The following CADM2 variants were observed in gnomAD, a reference collection of about 807,000 sequenced individuals.
CADM2 encodes cell adhesion molecule 2, also known as immunoglobulin superfamily member 4D.
In CADM2, 12 loss-of-function variants were observed where a neutral mutation model predicts 49.8. The ratio of observed to expected loss-of-function variants is 0.24; its 90% CI spans 0.15 to 0.39. The LOEUF is 0.39. Among genes scored for constraint, CADM2 ranks in the 10% least tolerant of loss-of-function variants. CADM2 has a pLI of 1.00. For synonymous variants in CADM2, 214 were observed against 175.4 expected, an observed-to-expected ratio of 1.22 and a Z score of -1.74; for missense variants, 378 against 492.3, an observed-to-expected ratio of 0.77 and a Z score of 2.20.
intron 3 of CADM2, among the ~76,000 whole-genome samples, chr3:85,875,487 T>C (rs1303271100): frequency 1.3e-5 from 2 of 152,146 alleles, no homozygotes; most frequent in Admixed American, 1.3e-4. Context: ...TTTCTTATAG[T>C]TTATTTGACT....
chr3:85,813,047 T>A (rs1234095031), intron 3 of CADM2, among the ~76,000 whole-genome samples: 3 of 152,196 alleles, frequency 2.0e-5, no homozygotes, highest in African/African-American at 7.2e-5. Context: ...TAATTTATAA[T>A]CCTTTGGGTA....
chr3:86,051,976 ACTTTGTT>A (rs1559826514), intron 8 of CADM2, among the ~76,000 whole-genome samples: 23 of 151,950 alleles, frequency 1.5e-4, no homozygotes, highest in Admixed American at 1.1e-3. Context: ...TCAAAAAAAA[ACTTTGTT>A]ATTTGTTATT....
intron 1 of CADM2, among the ~76,000 whole-genome samples, chr3:85,569,253 G>A (rs148964039): frequency 1.2e-4 from 19 of 152,018 alleles, no homozygotes; most frequent in East Asian, 5.8e-4. Context: ...CCCATGAGAC[G>A]CATGTAAATT....
intron 1 of CADM2, among the ~76,000 whole-genome samples, chr3:85,043,219 G>A (rs2035510679): frequency 6.6e-6 from 1 of 151,998 alleles, no homozygotes; most frequent in East Asian, 1.9e-4. Flanking sequence ...GCACTTAAAA[G>A]CAATTTTATG....
At chr3:85,178,194 G>A (rs2040835620) in intron 1 of CADM2, among the ~76,000 whole-genome samples, 1 of 151,776 alleles carries the variant, frequency 6.6e-6, no homozygotes, top group Non-Finnish European at 1.5e-5. Context: ...ATTAAATATA[G>A]CAATTTGGCT....
chr3:85,471,335 T>A (rs1329291034), intron 1 of CADM2, among the ~76,000 whole-genome samples: 1 of 152,140 alleles, frequency 6.6e-6, no homozygotes. Context: ...AAGTGTTAAG[T>A]CTCACTCAGA....
chr3:85,354,618 C>CAGAGAGAGAGAG (rs139421347), intron 1 of CADM2, among the ~76,000 whole-genome samples: 3,230 of 130,210 alleles, frequency 0.025, 102 homozygotes, highest in Middle Eastern at 0.06. Flanking sequence ...GAATACCTAA[C>CAGAGAGAGAGAG]AGAGAGAGAG....
chr3:85,429,442 T>G (rs2036567475), intron 1 of CADM2, among the ~76,000 whole-genome samples: 1 of 152,162 alleles, frequency 6.6e-6, no homozygotes, highest in South Asian at 2.1e-4. Context: ...TGGTATAGGG[T>G]TTTAATTATA....
intron 1 of CADM2, among the ~76,000 whole-genome samples, chr3:84,978,302 G>A (rs2031957781): frequency 6.6e-6 from 1 of 151,958 alleles, no homozygotes. Flanking sequence ...ATATTTTCTG[G>A]CACACAGTTG....
chr3:85,398,517 A>G (rs1196000439), intron 1 of CADM2, among the ~76,000 whole-genome samples: 1 of 152,164 alleles, frequency 6.6e-6, no homozygotes, highest in Non-Finnish European at 1.5e-5. Context: ...TTGGGTATAT[A>G]CCCAGTAATG....
chr3:85,013,443 CA>C (rs2034093093), intron 1 of CADM2, among the ~76,000 whole-genome samples: 1 of 151,546 alleles, frequency 6.6e-6, no homozygotes, highest in Non-Finnish European at 1.5e-5. Flanking sequence ...AAAAATATCC[CA>C]AAGATGTTAT....
chr3:85,436,545 G>A (rs1176084886), intron 1 of CADM2, among the ~76,000 whole-genome samples: 1 of 151,820 alleles, frequency 6.6e-6, no homozygotes, highest in Non-Finnish European at 1.5e-5. Flanking sequence ...ATTGACTGTG[G>A]GTTTGTTATA....
chr3:85,456,280 C>T (rs539556017), intron 1 of CADM2, among the ~76,000 whole-genome samples: 9 of 152,274 alleles, frequency 5.9e-5, no homozygotes, highest in Admixed American at 5.9e-4. Context: ...GTCTATCTGG[C>T]AGCCATTCCT....
In CADM2 at chr3:85,821,576, A is replaced by G. The variant is rs140134809; in HGVS notation, c.238+19380A>G. ...GCTGTTTGTTTTTGTTGCATACACA[A>G]GAAGTTAGGGTATACACTCTGTATA... On this transcript the variant is annotated intron_variant, in intron 3 of 9. Transcript: ENST00000383699. Among the ~76,000 whole-genome samples the G allele has an allele frequency of 3.9e-3, 593 of 152,250 alleles. 4 individuals are homozygous for G. Among genetic ancestry groups the G allele is most frequent in the African/African-American group, 0.014 (566 of 41,556 alleles).
At chr3:85,100,499 T>C (rs2037971750) in intron 1 of CADM2, among the ~76,000 whole-genome samples, 1 of 152,174 alleles carries the variant, frequency 6.6e-6, no homozygotes, top group Non-Finnish European at 1.5e-5. Context: ...TTTTTATGAG[T>C]GTGGTAGATT....
intron 1 of CADM2, among the ~76,000 whole-genome samples, chr3:85,238,868 T>G (rs1371079343): frequency 1.3e-5 from 2 of 151,838 alleles, no homozygotes; most frequent in Non-Finnish European, 2.9e-5. Context: ...AAGATGCTCC[T>G]GTGTATAAAA....
At chr3:85,676,509 G>A (rs965617317) in intron 1 of CADM2, among the ~76,000 whole-genome samples, 1 of 151,814 alleles carries the variant, frequency 6.6e-6, no homozygotes, top group Admixed American at 6.6e-5. Context: ...GCATAGTTTT[G>A]ATTGTTGTAA....
intron 7 of CADM2, among the ~76,000 whole-genome samples, chr3:85,940,216 G>A (rs1345997552): frequency 6.7e-6 from 1 of 148,718 alleles, no homozygotes; most frequent in Non-Finnish European, 1.5e-5. Flanking sequence ...GTGGGCGCCT[G>A]TAATCCCAGC....
At chr3:85,183,848 G>T (rs533112999) in intron 1 of CADM2, among the ~76,000 whole-genome samples, 1 of 152,226 alleles carries the variant, frequency 6.6e-6, no homozygotes, top group South Asian at 2.1e-4. Context: ...TAATGTAAGA[G>T]AATGATGCAA....
Sources: gnomAD v4.1 joint callset for allele counts (sites outside exome capture counted in the v4.1 genomes callset) on GRCh38, gnomAD v4.1.1 for gene constraint, MANE v1.5 for transcripts, NCBI Gene and HGNC (gene_info 2026-07-23, HGNC 2026-07-21) for gene names.